Variants in GPCPD1 observed in about 807,000 individuals in gnomAD.
GPCPD1 encodes glycerophosphocholine phosphodiesterase GPCPD1.
Under a neutral mutation model 89.2 loss-of-function variants are expected in GPCPD1, and 29 were observed. The ratio of observed to expected loss-of-function variants is 0.33; its 90% CI spans 0.24 to 0.44. The LOEUF (loss-of-function observed/expected upper bound fraction) is 0.44. Among genes scored for constraint, GPCPD1 ranks in the 20% least tolerant of loss-of-function variants. The pLI, the probability that GPCPD1 is intolerant of heterozygous loss-of-function variation, is 1.00. For missense variants in GPCPD1, 594 were observed against 808.9 expected (o/e 0.73, Z 3.22); for synonymous variants, 258 against 266.3 (o/e 0.97, Z 0.30).
intron 4 of GPCPD1, among the ~76,000 whole-genome samples, chr20:5,587,666 T>C (rs942139490): frequency 6.6e-6 from 1 of 152,134 alleles, no homozygotes; most frequent in Admixed American, 6.6e-5. Flanking sequence ...GTGCCCAGCC[T>C]ATACATACTC....
chr20:5,575,251 G>A (rs1321373023), intron 10 of GPCPD1, among the ~76,000 whole-genome samples, 162 bp downstream of exon 10: 1 of 152,110 alleles, frequency 6.6e-6, no homozygotes, highest in Non-Finnish European at 1.5e-5. Flanking sequence ...TTAAAAAACT[G>A]ACCAGAATCT....
rs202059285 is a variant in GPCPD1 at position 5,573,987 on chromosome 20, A to T, written c.1002-18T>A. The T allele has an allele frequency of 2.3e-4, 282 of 1,221,846 alleles. 1 individual carries two copies. The highest frequency in any genetic ancestry group is 3.1e-4 in the Non-Finnish European group (257 of 822,844). 75.7% of individuals were successfully genotyped at this position (1,221,846 alleles called of 1,614,324 possible). On this transcript the variant is annotated intron_variant, in intron 10 of 19. Transcript: ENST00000379019. The stretch of plus-strand genomic sequence containing the variant: ...TAGCCAGCCTGAAAAGAAGAAATAC[A>T]GTTAACATAGACTATAGAGAAGATA...
intron 1 of GPCPD1, among the ~76,000 whole-genome samples, chr20:5,610,453 G>A (rs1380803059): frequency 6.6e-6 from 1 of 152,008 alleles, no homozygotes; most frequent in African/African-American, 2.4e-5. Flanking sequence ...GTGGGGCAGG[G>A]GATGTCCCCA....
intron 2 of GPCPD1, among the ~76,000 whole-genome samples, chr20:5,601,005 T>A (rs921140662): frequency 3.3e-5 from 5 of 151,612 alleles, no homozygotes; most frequent in East Asian, 1.9e-4. Context: ...AAATTTTTTT[T>A]AAATAAAATA....
chr20:5,552,182 G>T lies in GPCPD1; in HGVS notation c.1830-4332C>A, dbSNP rs539137499. Among the ~76,000 whole-genome samples, 184 of 152,094 alleles carry T rather than the reference G, an allele frequency of 1.2e-3. 1 individual carries two copies. Among genetic ancestry groups the T allele is most frequent in the African/African-American group, 4.2e-3 (175 of 41,500 alleles). ...TTTTTGAATAAAATTAAAAAAAAAT[G>T]TTGAGGGTAAAAACCAACTCAACAT... On this transcript the variant is annotated intron_variant, in intron 19 of 19. Coordinates refer to ENST00000379019, the MANE Select transcript of GPCPD1 (RefSeq NM_019593.5).
chr20:5,562,986 CTTT>C (rs199811350), intron 15 of GPCPD1, among the ~76,000 whole-genome samples: 1 of 142,622 alleles, frequency 7.0e-6, no homozygotes. Flanking sequence ...GTTAAAATTT[CTTT>C]TTTTTTTTTT....
intron 1 of GPCPD1, among the ~76,000 whole-genome samples, chr20:5,610,220 A>G (rs73075623): frequency 6.6e-6 from 1 of 152,354 alleles, no homozygotes; most frequent in Non-Finnish European, 1.5e-5. Flanking sequence ...TGGGAAAAGT[A>G]GAGCTTTGGA....
intron 6 of GPCPD1, among the ~76,000 whole-genome samples, chr20:5,580,745 AAAAG>A (rs1349582419): frequency 6.6e-6 from 1 of 151,958 alleles, no homozygotes; most frequent in African/African-American, 2.4e-5. Context: ...AAAAAAAAGA[AAAAG>A]AAAATAATCC....
chr20:5,607,804 T>A (rs531291379), intron 1 of GPCPD1, among the ~76,000 whole-genome samples: 1 of 141,306 alleles, frequency 7.1e-6, no homozygotes, highest in East Asian at 2.0e-4. Context: ...TGTGACAGAA[T>A]GAGACTCTGT....
chr20:5,570,814 C>T (rs973527416), intron 11 of GPCPD1, among the ~76,000 whole-genome samples: 1 of 151,942 alleles, frequency 6.6e-6, no homozygotes, highest in Admixed American at 6.6e-5. Flanking sequence ...GTCCGGTTTC[C>T]TAATGAAAGC....
intron 17 of GPCPD1, 79 bp from the exon 18 acceptor site, chr20:5,558,898 GA>G: frequency 9.1e-7 from 1 of 1,097,878 alleles, no homozygotes; most frequent in Non-Finnish European, 1.3e-6. Flanking sequence ...AGAAAACACT[GA>G]AAGTATAAAG....
intron 4 of GPCPD1, among the ~76,000 whole-genome samples, chr20:5,587,347 C>T (rs1308449741): frequency 6.6e-6 from 1 of 151,960 alleles, no homozygotes; most frequent in Non-Finnish European, 1.5e-5. Flanking sequence ...TCTTTGAGCC[C>T]TTTTCTAGGC....
At position 5,578,437 on chromosome 20, in the gene GPCPD1, C is replaced by T; in HGVS notation, c.648G>A (p.Glu216=). The part of the protein sequence containing the change: ...GYGLQPDRWT[E]YSIQTMEPDN... Reference sequence around the variant, plus strand: ...CTGGTTCCATCGTCTGTATGCTGTACTCTGTCCAACGATCAGGCTGCAAGC... The same window carrying T: ...CTGGTTCCATCGTCTGTATGCTGTATTCTGTCCAACGATCAGGCTGCAAGC... The change falls in exon 8 of 20, where the codon GAG becomes GAA. Residue 216 remains glutamate (E), a synonymous_variant. Transcript: ENST00000379019. 1.2e-6 allele frequency: 2 copies of T among 1,614,142 alleles called. No homozygotes were observed. The highest frequency in any genetic ancestry group is 1.7e-6 in the Non-Finnish European group (2 of 1,179,958).
chr20:5,567,508 G>C lies in GPCPD1; in HGVS notation c.1202C>G (p.Thr401Arg), dbSNP rs900056562. 10 of 1,529,886 alleles carry C rather than the reference G, an allele frequency of 6.5e-6. No homozygotes were observed. Among genetic ancestry groups the C allele is most frequent in the Non-Finnish European group, 8.8e-6 (10 of 1,141,714 alleles). 94.8% of individuals were successfully genotyped at this position (1,529,886 alleles called of 1,614,324 possible). Residue 401 changes from threonine (T) to arginine (R), a missense_variant, in exon 13 of 20, where the codon ACA becomes AGA. Coordinates refer to ENST00000379019, the MANE Select transcript of GPCPD1 (RefSeq NM_019593.5). ...CTTTAACAACTGGAGTTGGTCAAAT[G>C]TTAATTCTTTTACTGGAATTTCAAA... is the stretch of plus-strand genomic sequence containing the variant. ...ELFEIPVKEL[T>R]FDQLQLLKLT...
intron 2 of GPCPD1, among the ~76,000 whole-genome samples, chr20:5,601,284 C>T (rs1389031229): frequency 2.0e-5 from 3 of 151,370 alleles, no homozygotes; most frequent in Non-Finnish European, 1.5e-5. Flanking sequence ...AGGAGGATCA[C>T]CAGAGTCCAG....
At chr20:5,584,562 A>G (rs1417980875) in intron 5 of GPCPD1, 1 of 259,752 alleles carries the variant, frequency 3.8e-6, no homozygotes, top group East Asian at 8.3e-5. Context: ...AAAAGAAGAA[A>G]AAGAAAACTC....
rs559002255 is a variant in GPCPD1 at position 5,553,071 on chromosome 20, C to T, written c.1829+4874G>A. On this transcript the variant is annotated intron_variant, in intron 19 of 19. Transcript: ENST00000379019. ...GGCATGAACCACCATGCCCCACCTG[C>T]GCTTTTCAGATACTGTGTTTCTTAC... 1.2e-3 allele frequency among the ~76,000 whole-genome samples: 190 copies of T among 152,248 alleles called. 1 individual carries two copies. Among genetic ancestry groups the T allele is most frequent in the African/African-American group, 4.3e-3 (178 of 41,542 alleles).
intron 4 of GPCPD1, among the ~76,000 whole-genome samples, chr20:5,587,255 T>C: frequency 6.6e-6 from 1 of 152,276 alleles, no homozygotes; most frequent in Admixed American, 6.5e-5. Context: ...TGTAATTAAA[T>C]ACAGAGAAGC....
chr20:5,570,270 A>G (rs1462577516), intron 11 of GPCPD1, 31 bp from the exon 12 acceptor site: 1 of 1,122,542 alleles, frequency 8.9e-7, no homozygotes, highest in Non-Finnish European at 1.4e-6. Context: ...TTTGAAAAAC[A>G]TTGCCTGGTA....
Sources: gnomAD v4.1 joint callset for allele counts (sites outside exome capture counted in the v4.1 genomes callset) on GRCh38, gnomAD v4.1.1 for gene constraint, MANE v1.5 for transcripts, NCBI Gene and HGNC (gene_info 2026-07-23, HGNC 2026-07-21) for gene names.